Variants in SH3YL1 observed in about 807,000 individuals in gnomAD.
SH3YL1 encodes SH3 and SYLF domain containing 1.
In SH3YL1, 41 loss-of-function variants were observed where a neutral mutation model predicts 45.8. The ratio of observed to expected loss-of-function variants is 0.89; its 90% CI spans 0.70 to 1.16. The LOEUF (loss-of-function observed/expected upper bound fraction) is 1.16, where lower values mean the gene tolerates loss of function less well. SH3YL1 is among the 50% of genes most tolerant of loss of function. The pLI is 0.00. For synonymous variants in SH3YL1, 152 were observed against 151.4 expected (o/e 1.00, Z -0.03); for missense variants, 389 against 409.6 (o/e 0.95, Z 0.43).
In SH3YL1 at chr2:229,868, T is replaced by C. The variant is rs530703450; in HGVS notation, c.781+98A>G. On this transcript the variant is annotated intron_variant, in intron 8 of 9. Transcript: ENST00000356150. The stretch of plus-strand genomic sequence containing the variant: ...CTCTTAAATATGTTAGTTCTTCTAT[T>C]TAACTCTAAAGTTTAACAATGTATC... The C allele has an allele frequency of 1.5e-5, 14 of 958,636 alleles. 1 individual carries two copies. The South Asian group carries it at 1.9e-4, about 13-fold the overall frequency. The allele number at this position is 958,636 out of a possible 1,614,324, so 59.4% of individuals were successfully genotyped here.
chr2:227,411 TA>T (rs1667830008), intron 8 of SH3YL1, among the ~76,000 whole-genome samples: 1 of 152,014 alleles, frequency 6.6e-6, no homozygotes, highest in African/African-American at 2.4e-5. Flanking sequence ...AAATCTGAAA[TA>T]AAGTTAATAT....
chr2:247,624 G>A (rs938653525), intron 3 of SH3YL1, 22 bp from the exon 4 acceptor site: 99 of 1,543,804 alleles, frequency 6.4e-5, no homozygotes, highest in South Asian at 1.9e-4. Context: ...ACAAACGAAC[G>A]TTATCCTAAC....
intron 1 of SH3YL1, among the ~76,000 whole-genome samples, chr2:255,668 A>G (rs1386596514): frequency 3.3e-5 from 5 of 152,248 alleles, no homozygotes; most frequent in Admixed American, 6.5e-5. Flanking sequence ...AATTTCTTTA[A>G]AAGATGTCAG....
In SH3YL1 at chr2:233,146, G is replaced by C. The variant is rs764782475; in HGVS notation, c.488C>G (p.Ser163Cys). 6.3e-7 allele frequency: 1 copy of C among 1,599,250 alleles called. No individual in the cohort carries two copies. Among genetic ancestry groups the C allele is most frequent in the Admixed American group, 1.7e-5 (1 of 57,972 alleles). The change falls in exon 6 of 10, where the codon TCT becomes TGT. Residue 163 changes from serine to cysteine, a missense_variant. By Grantham distance (112) the Ser-to-Cys change is moderately radical. Coordinates refer to ENST00000356150, the MANE Select transcript of SH3YL1 (RefSeq NM_015677.4). ...TTCAATCAAACAGCTCCCTTCTAAA[G>C]ACACGCCTGCAAAGAGTCCCCTTGA... The part of the protein sequence containing the change: ...CKSRGLFAGV[S>C]LEGSCLIERK...
At chr2:263,943 G>A (rs1202518565) in intron 1 of SH3YL1, 41 bp downstream of exon 1, 2 of 1,469,936 alleles carry the variant, frequency 1.4e-6, no homozygotes, top group Non-Finnish European at 1.8e-6. Flanking sequence ...GCTCTTGAGA[G>A]GGGAGGGTGC....
chr2:233,179 T>C lies in SH3YL1; in HGVS notation c.455A>G (p.Tyr152Cys). ...TGCAAAGAGTCCCCTTGACTTGCAG[T>C]ACGTGAAGACGGCAGCGGAGCTTCT... The part of the protein sequence containing the change: ...ALRSSAAVFT[Y>C]CKSRGLFAGV... The change falls in exon 6 of 10, where the codon TAC becomes TGC. Residue 152 changes from tyrosine to cysteine, a missense_variant. Transcript: ENST00000356150. The C allele has an allele frequency of 1.3e-6, 2 of 1,595,722 alleles. No individual in the cohort carries two copies. The highest frequency in any genetic ancestry group is 2.3e-5 in the South Asian group (2 of 88,854).
chr2:262,644 G>A (rs1355279520), intron 1 of SH3YL1: 1 of 1,304,274 alleles, frequency 7.7e-7, no homozygotes, highest in Non-Finnish European at 1.0e-6. Context: ...CAAACAAGCT[G>A]GCGTGCACAG....
chr2:243,679 C>T lies in SH3YL1; in HGVS notation c.291+3859G>A, dbSNP rs1200051490. 5.3e-6 allele frequency: 6 copies of T among 1,129,340 alleles called. No individual in the cohort carries two copies. The South Asian group carries it at 7.6e-5, about 14-fold the overall frequency. 70.0% of individuals were successfully genotyped at this position (1,129,340 alleles called of 1,614,324 possible). On this transcript the variant is annotated intron_variant, in intron 4 of 9. Coordinates refer to ENST00000356150, the MANE Select transcript of SH3YL1 (RefSeq NM_015677.4). ...TTGCTTGGACCTTTCCCCTTCTTTC[C>T]CTTAGTACCTTAAGTTTCTTCCCCG... is the stretch of plus-strand genomic sequence containing the variant.
At chr2:263,851 G>C in intron 1 of SH3YL1, 133 bp downstream of exon 1, 1 of 713,840 alleles carries the variant, frequency 1.4e-6, no homozygotes, top group Non-Finnish European at 2.4e-6. Context: ...AACTTTGGGC[G>C]GTTTGCGGTT....
intron 4 of SH3YL1, among the ~76,000 whole-genome samples, chr2:243,747 T>TCAGGCTCCGCTTCTAGTGAAC: frequency 6.6e-6 from 1 of 152,162 alleles, no homozygotes; most frequent in Non-Finnish European, 1.5e-5. Flanking sequence ...TGAACTGGTA[T>TCAGGCTCCGCTTCTAGTGAAC]CAGGCTCCGC....
rs1194567316 is a variant in SH3YL1, at chr2:218,691, A to G, written c.*120T>C. The G allele has an allele frequency of 1.2e-6, 1 of 833,092 alleles. No homozygotes were observed. The highest frequency in any genetic ancestry group is 3.1e-5 in the Admixed American group (1 of 31,994). The allele number at this position is 833,092 out of a possible 1,614,324, so 51.6% of individuals were successfully genotyped here. Reference sequence around the variant, plus strand: ...AAAAACAAAATCTTTTACATACGGAATGGAAATTTTGTAGAACAGAAGTTT... The same window carrying G: ...AAAAACAAAATCTTTTACATACGGAGTGGAAATTTTGTAGAACAGAAGTTT... On this transcript the variant is annotated 3_prime_UTR_variant, in exon 10 of 10. Transcript: ENST00000356150.
chr2:231,299 A>T (rs970908799), intron 6 of SH3YL1, 108 bp from the exon 7 acceptor site: 1 of 793,750 alleles, frequency 1.3e-6, no homozygotes, highest in Non-Finnish European at 2.0e-6. Context: ...ATTCATACAT[A>T]GCACTTCATA....
intron 4 of SH3YL1, among the ~76,000 whole-genome samples, chr2:244,389 A>C (rs1378122645): frequency 2.0e-5 from 3 of 151,792 alleles, no homozygotes; most frequent in African/African-American, 7.3e-5. Flanking sequence ...CCAGCTACTT[A>C]GGAGGCTGAG....
chr2:228,842 C>A (rs1036478410), intron 8 of SH3YL1, among the ~76,000 whole-genome samples: 6 of 152,130 alleles, frequency 3.9e-5, no homozygotes, highest in Non-Finnish European at 8.8e-5. Flanking sequence ...GGGACTTGGG[C>A]TCAAAACTGG....
intron 1 of SH3YL1, chr2:262,082 T>C (rs983208441): frequency 1.9e-5 from 3 of 153,960 alleles, no homozygotes; most frequent in Non-Finnish European, 2.9e-5. Context: ...AGAAAGTGTA[T>C]GTATCTAATC....
chr2:262,360 G>T, intron 1 of SH3YL1: 1 of 258,960 alleles, frequency 3.9e-6, no homozygotes, highest in South Asian at 4.0e-5. Flanking sequence ...CTTGTTTCCA[G>T]TCCCCCAACC....
intron 4 of SH3YL1, chr2:241,463 AAG>A (rs1668539303): frequency 1.3e-5 from 2 of 152,140 alleles, no homozygotes; most frequent in Non-Finnish European, 2.9e-5. Context: ...GGCAAGGAAA[AAG>A]AGAAAGAAGC....
At chr2:245,123 A>C (rs1407456423) in intron 4 of SH3YL1, among the ~76,000 whole-genome samples, 1 of 152,116 alleles carries the variant, frequency 6.6e-6, no homozygotes, top group Admixed American at 6.5e-5. Flanking sequence ...TGCTTCATGG[A>C]GAGCAAACAG....
At chr2:233,332 T>G (rs559815170) in intron 5 of SH3YL1, 103 bp from the exon 6 acceptor site, 1 of 1,207,086 alleles carries the variant, frequency 8.3e-7, no homozygotes, top group African/African-American at 1.5e-5. Context: ...TATTTTGTTC[T>G]GTACCTTCTT....
Sources: gnomAD v4.1 joint callset for allele counts (sites outside exome capture counted in the v4.1 genomes callset) on GRCh38, gnomAD v4.1.1 for gene constraint, MANE v1.5 for transcripts, NCBI Gene and HGNC (gene_info 2026-07-23, HGNC 2026-07-21) for gene names.